The following CARM1 variants were observed in gnomAD, a reference collection of about 807,000 sequenced individuals.
CARM1 encodes the protein histone-arginine methyltransferase CARM1.
CARM1 carries 14 observed loss-of-function variants against 72.7 expected under a neutral mutation model. That is an observed-to-expected ratio of 0.19 (90% CI 0.13 to 0.30). CARM1 has a LOEUF of 0.30. Among genes scored for constraint, CARM1 ranks in the 10% least tolerant of loss-of-function variants. The pLI is 1.00. For missense variants in CARM1, 432 were observed against 833.7 expected, an observed-to-expected ratio of 0.52 and a Z score of 5.93; for synonymous variants, 333 against 345.5, an observed-to-expected ratio of 0.96 and a Z score of 0.40.
At chr19:10,891,676 A>G (rs2073988824) in intron 1 of CARM1, among the ~76,000 whole-genome samples, 1 of 152,128 alleles carries the variant, frequency 6.6e-6, no homozygotes, top group South Asian at 2.1e-4. Context: ...ACTTGCGTAG[A>G]CGCCGGCCCT....
At chr19:10,898,096 A>C (rs1201516797) in intron 1 of CARM1, among the ~76,000 whole-genome samples, 1 of 146,506 alleles carries the variant, frequency 6.8e-6, no homozygotes, top group Non-Finnish European at 1.5e-5. Context: ...AGACAGCGAG[A>C]CTCCGTCTCA....
Position 10,904,804 on chromosome 19 carries a change from C to T in CARM1, c.221-147C>T, listed in dbSNP as rs1318328873. ...ATGTGGGCTGGGCAGTCAGGGCACC[C>T]GGCAATGCTGCCAGGGTGGTTTTGT... On this transcript the variant is annotated intron_variant, in intron 1 of 15. Transcript: ENST00000327064. 8.8e-6 allele frequency: 9 copies of T among 1,017,106 alleles called. No individual in the cohort carries two copies. The Admixed American group carries it at 9.5e-5, about 11-fold the overall frequency. 63.0% of individuals were successfully genotyped at this position (1,017,106 alleles called of 1,614,324 possible).
At chr19:10,914,167 G>A in intron 6 of CARM1, 113 bp downstream of exon 6, 1 of 1,105,666 alleles carries the variant, frequency 9.0e-7, no homozygotes, top group Non-Finnish European at 1.3e-6. Flanking sequence ...CGGGGTGTAG[G>A]GAAGCCTGGG....
At chr19:10,888,999 C>G (rs182331149) in intron 1 of CARM1, among the ~76,000 whole-genome samples, 4 of 152,326 alleles carry the variant, frequency 2.6e-5, no homozygotes, top group East Asian at 3.9e-4. Flanking sequence ...GAGCCCCCTA[C>G]TGAGTGCCCC....
intron 1 of CARM1, among the ~76,000 whole-genome samples, chr19:10,878,415 C>G (rs1019239377): frequency 2.0e-5 from 3 of 152,166 alleles, no homozygotes; most frequent in African/African-American, 7.2e-5. Flanking sequence ...CCGAATAGAG[C>G]ATACTTCTGA....
intron 1 of CARM1, among the ~76,000 whole-genome samples, chr19:10,890,774 C>CACACAT (rs1460065828): frequency 1.1e-4 from 7 of 63,612 alleles, no homozygotes; most frequent in East Asian, 4.1e-4. Flanking sequence ...TACACACACA[C>CACACAT]ATATATATAT....
chr19:10,873,184 G>C (rs1054755024), intron 1 of CARM1, among the ~76,000 whole-genome samples: 2 of 152,152 alleles, frequency 1.3e-5, no homozygotes, highest in African/African-American at 2.4e-5. Flanking sequence ...CACTGGGCAA[G>C]CATTGGTAGC....
chr19:10,890,972 TGAGTCAGTGTTCCCAAGCAGTGTG>T (rs1175147902), intron 1 of CARM1, among the ~76,000 whole-genome samples: 4 of 151,576 alleles, frequency 2.6e-5, no homozygotes, highest in Admixed American at 1.3e-4. Context: ...AGACCAAAAC[TGAGTCAGTGTTCCCAAGCAGTGTG>T]TGAAGCTGAT....
intron 1 of CARM1, among the ~76,000 whole-genome samples, chr19:10,892,873 C>G (rs1390186830): frequency 6.6e-6 from 1 of 152,088 alleles, no homozygotes; most frequent in African/African-American, 2.4e-5. Flanking sequence ...GCTGGGATTA[C>G]AGGTGCCCGC....
chr19:10,918,664 C>T (rs1368230567), intron 8 of CARM1, among the ~76,000 whole-genome samples: 1 of 152,172 alleles, frequency 6.6e-6, no homozygotes, highest in African/African-American at 2.4e-5. Context: ...TTTCCCTTTG[C>T]TTTGACATCA....
intron 1 of CARM1, among the ~76,000 whole-genome samples, chr19:10,882,598 G>A (rs1199670178): frequency 7.3e-6 from 1 of 137,674 alleles, no homozygotes; most frequent in African/African-American, 2.7e-5. Context: ...CTGGAATACA[G>A]TGGAGCGATT....
intron 1 of CARM1, among the ~76,000 whole-genome samples, chr19:10,900,663 G>C (rs900436991): frequency 1.3e-5 from 2 of 151,944 alleles, no homozygotes; most frequent in Non-Finnish European, 2.9e-5. Context: ...AGTGTCTGTT[G>C]GTTTTTTTTG....
Position 10,922,031 on chromosome 19 carries a change from T to C in CARM1, c.*274T>C. On this transcript the variant is annotated 3_prime_UTR_variant, in exon 16 of 16. Transcript: ENST00000327064. ...CCCTCCTGCCCGCTCTACCCTGACC[T>C]GGGCTTGTCATCTGCTGGAACAGGC... 3.5e-6 allele frequency: 1 copy of C among 283,670 alleles called. No homozygotes were observed. The highest frequency in any genetic ancestry group is 6.6e-6 in the Non-Finnish European group (1 of 151,534). The allele number at this position is 283,670 out of a possible 1,614,324, so 17.6% of individuals were successfully genotyped here.
At position 10,916,398 on chromosome 19, in the gene CARM1, C is replaced by A; in HGVS notation, c.848-9C>A. 1.9e-6 allele frequency: 3 copies of A among 1,603,550 alleles called. No individual in the cohort carries two copies. The highest frequency in any genetic ancestry group is 2.6e-6 in the Non-Finnish European group (3 of 1,170,802). ...CTGACGCCAGCACCCCTCCCTGCCC[C>A]ACTCCCAGGAAACATGTTTCCTACC... On this transcript the variant is annotated splice_polypyrimidine_tract_variant and intron_variant, in intron 6 of 15. Coordinates refer to ENST00000327064, the MANE Select transcript of CARM1 (RefSeq NM_199141.2). The surrounding 1 kb of genome is among the most constrained non-coding windows in gnomAD (Gnocchi z 4.4).
At chr19:10,898,960 C>T (rs1242732945) in intron 1 of CARM1, among the ~76,000 whole-genome samples, 2 of 151,070 alleles carry the variant, frequency 1.3e-5, no homozygotes, top group Admixed American at 6.6e-5. Context: ...CGGGGAGAGC[C>T]ATGAGGAATG....
intron 1 of CARM1, among the ~76,000 whole-genome samples, chr19:10,874,614 A>G (rs1289509313): frequency 1.3e-5 from 2 of 151,928 alleles, no homozygotes; most frequent in Non-Finnish European, 2.9e-5. Context: ...CTGGTCTCAA[A>G]CTCCTGGGCT....
At chr19:10,892,362 A>G (rs1452089797) in intron 1 of CARM1, among the ~76,000 whole-genome samples, 1 of 152,202 alleles carries the variant, frequency 6.6e-6, no homozygotes, top group Non-Finnish European at 1.5e-5. Flanking sequence ...GGGCTCCTGG[A>G]CACCCAGCTC....
At chr19:10,873,543 C>T (rs780064315) in intron 1 of CARM1, among the ~76,000 whole-genome samples, 4 of 145,394 alleles carry the variant, frequency 2.8e-5, no homozygotes, top group East Asian at 2.0e-4. Context: ...GAGCTGAGAT[C>T]GTGCCATTGC....
intron 1 of CARM1, among the ~76,000 whole-genome samples, chr19:10,887,402 C>G (rs1467370028): frequency 6.6e-6 from 1 of 152,084 alleles, no homozygotes; most frequent in African/African-American, 2.4e-5. Flanking sequence ...CATCTGGAAT[C>G]ACATCTGGCG....
Sources: allele counts gnomAD v4.1 joint callset (sites outside exome capture counted in the v4.1 genomes callset), GRCh38; gene constraint gnomAD v4.1.1; non-coding constraint Gnocchi (gnomAD v3.1); transcripts MANE v1.5; gene names NCBI Gene and HGNC (gene_info 2026-07-23, HGNC 2026-07-21).